The following ERAP1 variants were observed in gnomAD, a reference collection of about 807,000 sequenced individuals.
The protein encoded by ERAP1 is adipocyte-derived leucine aminopeptidase.
ERAP1 carries 86 observed loss-of-function variants against 103.7 expected under a neutral mutation model. The ratio of observed to expected loss-of-function variants is 0.83; its 90% CI spans 0.70 to 0.99. ERAP1 has a LOEUF of 0.99. Among genes scored for constraint, ERAP1 ranks in the 50% least tolerant of loss-of-function variants. ERAP1 has a pLI of 0.00. For missense variants in ERAP1, 1,009 were observed against 1,128.4 expected, an observed-to-expected ratio of 0.89 and a Z score of 1.52; for synonymous variants, 398 against 402.4, an observed-to-expected ratio of 0.99 and a Z score of 0.13.
chr5:96,858,692 C>T, the ERAP1 span, among the ~76,000 whole-genome samples: 1 of 152,154 alleles, frequency 6.6e-6, no homozygotes, highest in African/African-American at 2.4e-5. Context: ...GCCCTCCACC[C>T]CATCAGCATT....
the ERAP1 span, chr5:96,889,601 G>A: frequency 3.0e-6 from 2 of 662,984 alleles, no homozygotes; most frequent in Admixed American, 4.7e-5. Context: ...TGGGACGGAA[G>A]CCAGGTAGAG....
chr5:96,785,741 A>G, intron 13 of ERAP1, 47 bp downstream of exon 13: 3 of 1,592,092 alleles, frequency 1.9e-6, no homozygotes, highest in Non-Finnish European at 2.6e-6. Flanking sequence ...TTGAACAATA[A>G]CAGCTGCTTT....
intron 14 of ERAP1, among the ~76,000 whole-genome samples, chr5:96,783,454 C>CG (rs72541026): frequency 2.1e-3 from 1 of 478 alleles, no homozygotes; most frequent in Admixed American, 0.023. Flanking sequence ...TATAAGATAT[C>CG]CATCTACTTA....
At chr5:96,886,839 G>C in the ERAP1 span, 19 of 1,338,162 alleles carry the variant, frequency 1.4e-5, no homozygotes, top group Non-Finnish European at 1.8e-5. Context: ...TGTCCTGAGA[G>C]CAATGAACTT....
chr5:96,893,072 A>G, the ERAP1 span, among the ~76,000 whole-genome samples: 3 of 152,314 alleles, frequency 2.0e-5, no homozygotes, highest in East Asian at 5.8e-4. Context: ...GTTATTAATG[A>G]TGATGACAAC....
chr5:96,828,978 C>G, the ERAP1 span, among the ~76,000 whole-genome samples: 4 of 152,120 alleles, frequency 2.6e-5, no homozygotes, highest in African/African-American at 9.7e-5. Flanking sequence ...TCCCCAGTAG[C>G]TGGGATTACA....
At chr5:96,835,062 A>G in the ERAP1 span, among the ~76,000 whole-genome samples, 8,722 of 152,298 alleles carry the variant, frequency 0.057, 331 homozygotes, top group East Asian at 0.14. Flanking sequence ...TTCAAAGAAT[A>G]CTAAGGGGCT....
At chr5:96,800,012 T>C (rs1156743582) in intron 3 of ERAP1, among the ~76,000 whole-genome samples, 1 of 152,216 alleles carries the variant, frequency 6.6e-6, no homozygotes, top group Non-Finnish European at 1.5e-5. Flanking sequence ...GTTATGATAT[T>C]GCTTCCCCGG....
intron 2 of ERAP1, among the ~76,000 whole-genome samples, chr5:96,802,169 A>G (rs1778084038): frequency 6.6e-6 from 1 of 152,134 alleles, no homozygotes; most frequent in Non-Finnish European, 1.5e-5. Flanking sequence ...CTAAAGAAAT[A>G]ATTTACAAAA....
chr5:96,807,700 CGCCT>C (rs1778802720), intron 1 of ERAP1, among the ~76,000 whole-genome samples, 156 bp downstream of exon 1: 1 of 151,960 alleles, frequency 6.6e-6, no homozygotes, highest in Middle Eastern at 3.2e-3. Flanking sequence ...CGCGCCCCGT[CGCCT>C]TCCTCCCGCG....
chr5:96,766,535 T>G (rs1162195919), intron 19 of ERAP1, among the ~76,000 whole-genome samples: 1 of 152,162 alleles, frequency 6.6e-6, no homozygotes, highest in Non-Finnish European at 1.5e-5. Context: ...TAGGGAAAAT[T>G]AATAAGGCAG....
the ERAP1 span, chr5:96,895,464 GT>G: frequency 1.2e-6 from 1 of 819,972 alleles, no homozygotes; most frequent in African/African-American, 1.8e-5. Flanking sequence ...TAATGTTGTG[GT>G]TTTTGAACAT....
chr5:96,822,548 C>G, the ERAP1 span, among the ~76,000 whole-genome samples: 1 of 152,156 alleles, frequency 6.6e-6, no homozygotes, highest in Non-Finnish European at 1.5e-5. Context: ...TATGTGTCAA[C>G]TTGACTGGAC....
chr5:96,841,053 A>G, the ERAP1 span, among the ~76,000 whole-genome samples: 1 of 152,196 alleles, frequency 6.6e-6, no homozygotes, highest in African/African-American at 2.4e-5. Flanking sequence ...ATGTGCCGTC[A>G]GTCATGACCA....
At chr5:96,894,404 T>C in the ERAP1 span, among the ~76,000 whole-genome samples, 6,377 of 152,242 alleles carry the variant, frequency 0.042, 264 homozygotes, top group East Asian at 0.13. Flanking sequence ...TACAGACTTA[T>C]AATTTTCTGT....
the ERAP1 span, among the ~76,000 whole-genome samples, chr5:96,904,720 G>A: frequency 1.3e-5 from 2 of 152,186 alleles, no homozygotes; most frequent in Non-Finnish European, 2.9e-5. Context: ...TGGAAAAAAT[G>A]GAGAATATTG....
the ERAP1 span, among the ~76,000 whole-genome samples, chr5:96,822,668 G>A: frequency 1.4e-5 from 2 of 147,940 alleles, no homozygotes; most frequent in Admixed American, 6.9e-5. Context: ...TTGAGGCTAG[G>A]AGTTTGAGAT....
At chr5:96,834,288 C>A in the ERAP1 span, among the ~76,000 whole-genome samples, 2 of 152,222 alleles carry the variant, frequency 1.3e-5, no homozygotes, top group Admixed American at 6.5e-5. Flanking sequence ...CATGAGTCTG[C>A]ATTCAGCAGA....
chr5:96,798,457 CTAACACG>C (rs1348750279), intron 3 of ERAP1, among the ~76,000 whole-genome samples: 10 of 151,976 alleles, frequency 6.6e-5, no homozygotes, highest in Admixed American at 2.0e-4. Flanking sequence ...AGAAGAAAGT[CTAACACG>C]TCAGCAATAA....
Sources: allele counts gnomAD v4.1 joint callset (sites outside exome capture counted in the v4.1 genomes callset), GRCh38; gene constraint gnomAD v4.1.1; transcripts MANE v1.5; gene names NCBI Gene and HGNC (gene_info 2026-07-23, HGNC 2026-07-21).